The following CCDC9 variants were observed in gnomAD, a reference collection of about 807,000 sequenced individuals.
The protein encoded by CCDC9 is coiled-coil domain containing 9.
Under a neutral mutation model 65.6 loss-of-function variants are expected in CCDC9, and 52 were observed. The ratio of observed to expected loss-of-function variants is 0.79; its 90% CI spans 0.63 to 1.00. The LOEUF is 1.00. Among genes scored for constraint, CCDC9 ranks in the 50% least tolerant of loss-of-function variants. The pLI, the probability that CCDC9 is intolerant of heterozygous loss-of-function variation, is 0.00. For synonymous variants in CCDC9, 332 were observed against 280.3 expected, an observed-to-expected ratio of 1.18 and a Z score of -1.84; for missense variants, 834 against 757.2, an observed-to-expected ratio of 1.10 and a Z score of -1.19.
downstream of CCDC9, among the ~76,000 whole-genome samples, chr19:47,274,268 C>A (rs1033489819): frequency 2.7e-5 from 4 of 149,164 alleles, no homozygotes; most frequent in African/African-American, 5.0e-5. Context: ...CGGAGCTAGG[C>A]TGCCTGGGCG....
chr19:47,270,310 C>G, intron 8 of CCDC9, 97 bp from the exon 9 acceptor site: 1 of 1,207,868 alleles, frequency 8.3e-7, no homozygotes, highest in Non-Finnish European at 1.2e-6. Flanking sequence ...GACCGTCTGT[C>G]TCTGATCCGA....
intron 1 of CCDC9, among the ~76,000 whole-genome samples, chr19:47,257,204 G>C (rs1239651149): frequency 2.0e-5 from 3 of 150,250 alleles, no homozygotes; most frequent in Non-Finnish European, 4.5e-5. Flanking sequence ...AGATGCTGAC[G>C]CAACGAGGTG....
chr19:47,256,771 C>T (rs1423005887), intron 1 of CCDC9, among the ~76,000 whole-genome samples, 162 bp downstream of exon 1: 1 of 17,024 alleles, frequency 5.9e-5, no homozygotes, highest in African/African-American at 2.5e-4. Flanking sequence ...CGGGGCGGGC[C>T]GTTGGGTGGG....
chr19:47,275,242 A>AGCTGCCGCTGAGCCGCC (rs2059151399), downstream of CCDC9: 6 of 1,536,338 alleles, frequency 3.9e-6, no homozygotes, highest in East Asian at 1.5e-4. Flanking sequence ...CCCCAGCTCC[A>AGCTGCCGCTGAGCCGCC]GCTGCCGCTG....
At chr19:47,274,750 G>A (rs2059145336), downstream of CCDC9, 4 of 332,186 alleles carry the variant, frequency 1.2e-5, no homozygotes, top group Admixed American at 5.8e-5. Context: ...GCTGGAGGGG[G>A]TGGGCCTAGG....
chr19:47,275,102 C>T, downstream of CCDC9: 1 of 1,493,496 alleles, frequency 6.7e-7, no homozygotes, highest in East Asian at 2.8e-5. Flanking sequence ...CGCGGTCTCC[C>T]GCGGCACCCG....
At position 47,263,307 on chromosome 19, in the gene CCDC9, G is replaced by C. The variant is rs1600281312; in HGVS notation, c.463-1296G>C. 2.6e-5 allele frequency among the ~76,000 whole-genome samples: 4 copies of C among 152,208 alleles called. No individual in the cohort carries two copies. In the East Asian group the frequency reaches 7.7e-4, roughly 29 times the overall value. ...CAGTGGTTTGCTAGAAAGACTCATGGCTTAGATTTATCACAGTGAAAGAGA... is the reference window on the plus strand; with the variant it reads ...CAGTGGTTTGCTAGAAAGACTCATGCCTTAGATTTATCACAGTGAAAGAGA... On this transcript the variant is annotated intron_variant, in intron 5 of 11. Transcript: ENST00000221922.
chr19:47,270,738 G>T (rs768808563), intron 10 of CCDC9, 50 bp downstream of exon 10: 2 of 1,544,846 alleles, frequency 1.3e-6, no homozygotes, highest in Non-Finnish European at 8.7e-7. Context: ...TCTCCGCAGG[G>T]CGTTCTCTTC....
intron 5 of CCDC9, 148 bp downstream of exon 5, chr19:47,260,987 C>G: frequency 1.1e-6 from 1 of 880,958 alleles, no homozygotes; most frequent in Non-Finnish European, 1.7e-6. Context: ...TTTCTCTCTT[C>G]CTCCACCTCC....
At chr19:47,267,679 C>T (rs1324163935) in intron 8 of CCDC9, among the ~76,000 whole-genome samples, 1 of 152,172 alleles carries the variant, frequency 6.6e-6, no homozygotes. Context: ...TAAGCTCTGC[C>T]CCCTCCAGTG....
At chr19:47,268,610 C>T (rs1047215464) in intron 8 of CCDC9, among the ~76,000 whole-genome samples, 1 of 152,030 alleles carries the variant, frequency 6.6e-6, no homozygotes, top group South Asian at 2.1e-4. Flanking sequence ...CAGTTTGCAA[C>T]AAGTCTGATG....
At chr19:47,268,921 A>T (rs572169117) in intron 8 of CCDC9, among the ~76,000 whole-genome samples, 13 of 150,768 alleles carry the variant, frequency 8.6e-5, no homozygotes, top group Non-Finnish European at 1.8e-4. Flanking sequence ...CCGTTTCAAA[A>T]AATAATAATA....
At chr19:47,258,257 C>T (rs1330036669) in intron 1 of CCDC9, 73 bp from the exon 2 acceptor site, 2 of 797,038 alleles carry the variant, frequency 2.5e-6, no homozygotes, top group East Asian at 2.4e-5. Flanking sequence ...CTGTGAGGAT[C>T]CCGCAGTATG....
downstream of CCDC9, chr19:47,271,993 C>T: frequency 8.0e-7 from 1 of 1,244,036 alleles, no homozygotes; most frequent in South Asian, 3.8e-5. Flanking sequence ...CCCTTCAACT[C>T]CCCCTGGGCC....
At position 47,266,723 on chromosome 19, in the gene CCDC9, G is replaced by A. The variant is rs1173050485; in HGVS notation, c.833G>A (p.Arg278Gln). Reference protein sequence around the residue: ...KQEREKIDQERLQRHRKPTGQ... With the variant: ...KQEREKIDQEQLQRHRKPTGQ... ...GAGAGGGAGAAGATCGACCAGGAGC[G>A]GCTGCAGAGGCACCGCAAGCCCACT... The change falls in exon 8 of 12, where the codon CGG becomes CAG. Residue 278 changes from arginine (R) to glutamine (Q), a missense_variant. Transcript: ENST00000221922. The A allele has an allele frequency of 3.1e-6, 5 of 1,611,934 alleles. No homozygotes were observed. The highest frequency in any genetic ancestry group is 1.1e-5 in the South Asian group (1 of 90,664).
At chr19:47,265,473 G>A (rs950711869) in intron 7 of CCDC9, among the ~76,000 whole-genome samples, 7 of 152,146 alleles carry the variant, frequency 4.6e-5, no homozygotes, top group African/African-American at 1.7e-4. Flanking sequence ...TGCTGTGTGA[G>A]GGGTGGGGAC....
downstream of CCDC9, chr19:47,275,138 C>T (rs762488994): frequency 9.4e-6 from 14 of 1,490,946 alleles, no homozygotes; most frequent in East Asian, 8.6e-5. Flanking sequence ...GCGCGCCGTC[C>T]CCTCCGTGTG....
downstream of CCDC9, chr19:47,275,672 C>A: frequency 2.5e-6 from 1 of 394,486 alleles, no homozygotes; most frequent in Non-Finnish European, 4.7e-6. Flanking sequence ...TGTCCATCTG[C>A]AATAAACGAC....
downstream of CCDC9, chr19:47,274,042 G>A: frequency 1.1e-6 from 1 of 920,174 alleles, no homozygotes; most frequent in Non-Finnish European, 1.3e-6. Flanking sequence ...GGCGTGAGGA[G>A]GGGTTTATCT....
Sources: allele counts gnomAD v4.1 joint callset (sites outside exome capture counted in the v4.1 genomes callset), GRCh38; gene constraint gnomAD v4.1.1; transcripts MANE v1.5; gene names NCBI Gene and HGNC (gene_info 2026-07-23, HGNC 2026-07-21).